The following TPST1 variants were observed in gnomAD, a reference collection of about 807,000 sequenced individuals.
TPST1 encodes the protein protein-tyrosine sulfotransferase 1.
TPST1 carries 20 observed loss-of-function variants against 34.8 expected under a neutral mutation model. The ratio of observed to expected loss-of-function variants is 0.57; its 90% CI spans 0.40 to 0.84. The LOEUF is 0.84. Among genes scored for constraint, TPST1 ranks in the 40% least tolerant of loss-of-function variants. The probability of loss-of-function intolerance (pLI) is 0.00; values close to 1 mark genes in which losing one functional copy is unlikely to be tolerated. For synonymous variants in TPST1, 152 were observed against 159.4 expected (o/e 0.95, Z 0.35); for missense variants, 353 against 455.5 (o/e 0.78, Z 2.05).
chr7:66,298,996 G>A (rs1217813307), intron 3 of TPST1, among the ~76,000 whole-genome samples: 1 of 151,762 alleles, frequency 6.6e-6, no homozygotes, highest in Non-Finnish European at 1.5e-5. Flanking sequence ...CTTGGTTGTG[G>A]GCACCTGTAG....
chr7:66,320,966 TAATGTTGATA>T lies in TPST1; in HGVS notation c.1045-31538_1045-31529del, dbSNP rs577815223. Among the ~76,000 whole-genome samples the T allele has an allele frequency of 2.6e-5, 4 of 152,388 alleles. No individual in the cohort carries two copies. In the East Asian group the frequency reaches 7.7e-4, roughly 29 times the overall value. ...TATTTGGAACTTTTTGACTCTGTTTTAATGTTGATACACAGTATCTTTGTACATATCATTT... is the reference window on the plus strand; with the variant it reads ...TATTTGGAACTTTTTGACTCTGTTTTCACAGTATCTTTGTACATATCATTT... On this transcript the variant is annotated intron_variant, in intron 3 of 5. Transcript: ENST00000304842.
rs368090839 is a variant in TPST1, at chr7:66,260,988, AGC to A, written c.845+19719_845+19720del. Among the ~76,000 whole-genome samples, 138 of 152,264 alleles carry A rather than the reference AGC, an allele frequency of 9.1e-4. 3 individuals are homozygous for A. The Middle Eastern group carries it at 0.014, about 15-fold the overall frequency. On this transcript the variant is annotated intron_variant, in intron 2 of 5. Coordinates refer to ENST00000304842, the MANE Select transcript of TPST1 (RefSeq NM_003596.4). ...CATCTCCAGAATTCTCTCTGTATAC[AGC>A]TCTCTCCTCTTTGATTCTCTGGCCT...
At chr7:66,299,012 G>A (rs1791257426) in intron 3 of TPST1, among the ~76,000 whole-genome samples, 1 of 151,994 alleles carries the variant, frequency 6.6e-6, no homozygotes, top group Admixed American at 6.6e-5. Flanking sequence ...TGTAGTCCCA[G>A]CTACTTGGGA....
intron 1 of TPST1, among the ~76,000 whole-genome samples, chr7:66,210,264 A>G (rs1472818599): frequency 6.6e-6 from 1 of 152,212 alleles, no homozygotes; most frequent in Admixed American, 6.5e-5. Flanking sequence ...TAGGAAATAC[A>G]GGAAAATAAA....
At chr7:66,337,494 A>C (rs1483071315) in intron 3 of TPST1, among the ~76,000 whole-genome samples, 1 of 151,850 alleles carries the variant, frequency 6.6e-6, no homozygotes, top group Non-Finnish European at 1.5e-5. Context: ...TTTTTAGTAG[A>C]GACAGTATTT....
chr7:66,205,182 C>T (rs1789097941), upstream of TPST1: 1 of 152,274 alleles, frequency 6.6e-6, no homozygotes, highest in South Asian at 2.1e-4. The surrounding 1 kb of genome is among the most constrained non-coding windows in gnomAD (Gnocchi z 5.0). Flanking sequence ...GGACCCAGCT[C>T]CATTCCCAGC....
At chr7:66,264,439 A>G (rs764118682) in intron 2 of TPST1, among the ~76,000 whole-genome samples, 4 of 152,250 alleles carry the variant, frequency 2.6e-5, no homozygotes, top group Non-Finnish European at 5.9e-5. Flanking sequence ...AGGCAGAGTT[A>G]GAAGCTACCT....
chr7:66,276,729 T>TA (rs1330058959), intron 2 of TPST1, among the ~76,000 whole-genome samples: 27 of 152,240 alleles, frequency 1.8e-4, no homozygotes, highest in African/African-American at 5.8e-4. Context: ...TTATTTCTAA[T>TA]ATGATTTATG....
chr7:66,323,708 TTAG>T (rs1463966520), intron 3 of TPST1, among the ~76,000 whole-genome samples: 1 of 152,228 alleles, frequency 6.6e-6, no homozygotes, highest in African/African-American at 2.4e-5. Context: ...CATCACCCAA[TTAG>T]TAGTTTAAGT....
chr7:66,338,868 A>G (rs1792174807), intron 3 of TPST1, among the ~76,000 whole-genome samples: 2 of 152,126 alleles, frequency 1.3e-5, no homozygotes, highest in African/African-American at 4.8e-5. Context: ...ACTTCAAATA[A>G]CCTAACGATA....
At chr7:66,340,230 AGAAG>A (rs1328818032) in intron 3 of TPST1, among the ~76,000 whole-genome samples, 1 of 152,068 alleles carries the variant, frequency 6.6e-6, no homozygotes, top group African/African-American at 2.4e-5. Flanking sequence ...GAAAAAAAAA[AGAAG>A]GAACATATCT....
At chr7:66,280,027 C>T (rs1489324444) in intron 2 of TPST1, among the ~76,000 whole-genome samples, 1 of 152,246 alleles carries the variant, frequency 6.6e-6, no homozygotes, top group Non-Finnish European at 1.5e-5. Flanking sequence ...GGACCTAAGC[C>T]TTCACATCGT....
chr7:66,326,133 A>G lies in TPST1; in HGVS notation c.1045-26372A>G, dbSNP rs150590119. The stretch of plus-strand genomic sequence containing the variant: ...TTCAGAAACTTCTGTGAGTCTATCA[A>G]CTGTAAAAATGGAGATGACTATGAA... On this transcript the variant is annotated intron_variant, in intron 3 of 5. Coordinates refer to ENST00000304842, the MANE Select transcript of TPST1 (RefSeq NM_003596.4). Among the ~76,000 whole-genome samples, 328 of 152,282 alleles carry G rather than the reference A, an allele frequency of 2.2e-3. 2 individuals carry two copies. Among genetic ancestry groups the G allele is most frequent in the African/African-American group, 7.7e-3 (319 of 41,542 alleles).
intron 3 of TPST1, among the ~76,000 whole-genome samples, chr7:66,319,032 A>G (rs1314663308): frequency 6.6e-6 from 1 of 152,010 alleles, no homozygotes; most frequent in East Asian, 1.9e-4. Context: ...GTATTTTCCA[A>G]TTTTACTACA....
At chr7:66,282,786 T>C (rs553846686) in intron 2 of TPST1, among the ~76,000 whole-genome samples, 3 of 152,350 alleles carry the variant, frequency 2.0e-5, no homozygotes, top group South Asian at 2.1e-4. Context: ...TCCTTGAAGA[T>C]TGGGACTGCA....
chr7:66,356,325 G>A (rs915551709), intron 4 of TPST1, among the ~76,000 whole-genome samples: 9 of 152,164 alleles, frequency 5.9e-5, no homozygotes, highest in African/African-American at 1.2e-4. Flanking sequence ...AGCAGGGCAC[G>A]TCACCCTCCC....
intron 2 of TPST1, among the ~76,000 whole-genome samples, chr7:66,271,699 G>A (rs1243225822): frequency 1.3e-5 from 2 of 152,050 alleles, no homozygotes; most frequent in Admixed American, 1.3e-4. Flanking sequence ...AAATGGCAGT[G>A]TCTCCTTTTT....
chr7:66,305,496 T>A (rs1182033563), intron 3 of TPST1, among the ~76,000 whole-genome samples: 17 of 152,244 alleles, frequency 1.1e-4, no homozygotes, highest in Non-Finnish European at 2.5e-4. Flanking sequence ...GCAATTTCTT[T>A]CCTTCTTCCA....
intron 1 of TPST1, among the ~76,000 whole-genome samples, chr7:66,206,156 T>C (rs1789125888): frequency 6.8e-6 from 1 of 146,758 alleles, no homozygotes; most frequent in Non-Finnish European, 1.5e-5. Flanking sequence ...AGATGGAGTC[T>C]CTATGTTGCC....
Sources: allele counts gnomAD v4.1 joint callset (sites outside exome capture counted in the v4.1 genomes callset), GRCh38; gene constraint gnomAD v4.1.1; non-coding constraint Gnocchi (gnomAD v3.1); transcripts MANE v1.5; gene names NCBI Gene and HGNC (gene_info 2026-07-23, HGNC 2026-07-21).